CES5A: variants seen among roughly 807,000 people sequenced by gnomAD.
The protein encoded by CES5A is carboxylesterase 5.
In CES5A, 67 loss-of-function variants were observed where a neutral mutation model predicts 62.9. That is an observed-to-expected ratio of 1.07 (90% CI 0.88 to 1.31). The LOEUF is 1.31. CES5A is among the 50% of genes most tolerant of loss of function. CES5A has a pLI of 0.00. For synonymous variants in CES5A, 296 were observed against 280.8 expected (o/e 1.05, Z -0.54); for missense variants, 748 against 708.5 (o/e 1.06, Z -0.63).
intron 1 of CES5A, among the ~76,000 whole-genome samples, chr16:55,915,226 C>G (rs1425536139): frequency 1.3e-5 from 2 of 152,106 alleles, no homozygotes; most frequent in Non-Finnish European, 2.9e-5. Context: ...ATGTCAGCCC[C>G]AATGAATTAC....
At chr16:55,912,048 A>C (rs1171194979) in intron 1 of CES5A, among the ~76,000 whole-genome samples, 1 of 152,204 alleles carries the variant, frequency 6.6e-6, no homozygotes, top group African/African-American at 2.4e-5. Context: ...TGCAGCATCC[A>C]ATGCTGTCAG....
At chr16:55,887,488 A>G (rs1471815636) in intron 1 of CES5A, among the ~76,000 whole-genome samples, 1 of 152,118 alleles carries the variant, frequency 6.6e-6, no homozygotes, top group Non-Finnish European at 1.5e-5. Flanking sequence ...TCAATGTGGC[A>G]AGCCAAGTCA....
Position 55,861,526 on chromosome 16 carries a change from A to G in CES5A, c.811-10T>C. ...GTGCAACCACCTGCAGCTATTTTGTAGAGAAGGACCGGGTTAGAGCATGAT... is the reference window on the plus strand; with the variant it reads ...GTGCAACCACCTGCAGCTATTTTGTGGAGAAGGACCGGGTTAGAGCATGAT... On this transcript the variant is annotated splice_polypyrimidine_tract_variant and intron_variant, in intron 6 of 12. Transcript: ENST00000290567. The G allele has an allele frequency of 6.3e-7, 1 of 1,584,056 alleles. No homozygotes were observed. The highest frequency in any genetic ancestry group is 8.7e-7 in the Non-Finnish European group (1 of 1,152,558).
intron 1 of CES5A, among the ~76,000 whole-genome samples, chr16:55,916,611 C>T (rs1052323636): frequency 3.3e-5 from 5 of 152,346 alleles, no homozygotes; most frequent in Non-Finnish European, 5.9e-5. Flanking sequence ...AAACTTGCTT[C>T]AGCTATGGCA....
intron 8 of CES5A, among the ~76,000 whole-genome samples, chr16:55,859,028 G>T (rs1250745679): frequency 7.9e-5 from 12 of 152,294 alleles, no homozygotes; most frequent in African/African-American, 2.9e-4. Flanking sequence ...TAAGCTCCCA[G>T]AAAGCTCATA....
intron 2 of CES5A, among the ~76,000 whole-genome samples, chr16:55,872,888 G>A (rs1427899128): frequency 6.6e-6 from 1 of 152,136 alleles, no homozygotes; most frequent in Non-Finnish European, 1.5e-5. Context: ...CATGATGACA[G>A]CTGTGACTCA....
At chr16:55,865,826 T>C (rs753460663) in intron 5 of CES5A, 137 bp downstream of exon 5, 16 of 956,538 alleles carry the variant, frequency 1.7e-5, no homozygotes, top group Non-Finnish European at 2.5e-5. Context: ...TCATAATGTG[T>C]TGTGAGGCTT....
intron 1 of CES5A, among the ~76,000 whole-genome samples, chr16:55,953,551 G>GAA (rs151045317): frequency 0.011 from 1,682 of 150,150 alleles, 49 homozygotes; most frequent in East Asian, 0.095. Context: ...TTCACAAAAG[G>GAA]AAAAAAAAAC....
At chr16:55,927,306 TAATC>T (rs2034267304), upstream of CES5A, among the ~76,000 whole-genome samples, 1 of 151,994 alleles carries the variant, frequency 6.6e-6, no homozygotes, top group African/African-American at 2.4e-5. Flanking sequence ...GCAGAAGAAA[TAATC>T]AACAAAGTAA....
intron 2 of CES5A, among the ~76,000 whole-genome samples, chr16:55,948,294 G>A (rs2034518364): frequency 6.6e-6 from 1 of 152,158 alleles, no homozygotes; most frequent in African/African-American, 2.4e-5. Flanking sequence ...ACATTTTTCT[G>A]AGGCTTTGAT....
chr16:55,869,404 C>A, intron 4 of CES5A: 1 of 945,670 alleles, frequency 1.1e-6, no homozygotes, highest in East Asian at 3.2e-5. Flanking sequence ...AAACTTTACC[C>A]AAGTGAGAAA....
At chr16:55,942,326 CAA>C (rs2034454196) in intron 2 of CES5A, among the ~76,000 whole-genome samples, 1 of 152,100 alleles carries the variant, frequency 6.6e-6, no homozygotes, top group Admixed American at 6.6e-5. Flanking sequence ...TTATATCTGA[CAA>C]ATGACTTGTG....
At chr16:55,874,399 G>T (rs1211052092) in intron 1 of CES5A, among the ~76,000 whole-genome samples, 2 of 151,938 alleles carry the variant, frequency 1.3e-5, no homozygotes, top group Non-Finnish European at 2.9e-5. Context: ...CTTCCCAGGG[G>T]TTCCTACACT....
At chr16:55,902,808 T>C (rs16955856) in intron 1 of CES5A, among the ~76,000 whole-genome samples, 2,273 of 152,244 alleles carry the variant, frequency 0.015, 69 homozygotes, top group African/African-American at 0.051. Flanking sequence ...GATGCCACCA[T>C]TGGTGACTCC....
At chr16:55,929,972 C>G (rs2034292940), upstream of CES5A, among the ~76,000 whole-genome samples, 1 of 150,442 alleles carries the variant, frequency 6.6e-6, no homozygotes, top group Non-Finnish European at 1.5e-5. Flanking sequence ...CACCACCTTC[C>G]TTGGCCCAGC....
intron 2 of CES5A, among the ~76,000 whole-genome samples, chr16:55,872,648 A>G (rs1450102658): frequency 6.6e-6 from 1 of 152,286 alleles, no homozygotes; most frequent in South Asian, 2.1e-4. Flanking sequence ...ATATTGCTGC[A>G]CGTCTTCTCC....
At chr16:55,898,125 C>CTACCAATTT (rs1304961042) in intron 1 of CES5A, among the ~76,000 whole-genome samples, 1 of 152,178 alleles carries the variant, frequency 6.6e-6, no homozygotes, top group Admixed American at 6.5e-5. Flanking sequence ...TGTCATGTGG[C>CTACCAATTT]TACAAGAGTA....
intron 2 of CES5A, among the ~76,000 whole-genome samples, chr16:55,944,779 A>T (rs1462502072): frequency 6.6e-6 from 1 of 152,182 alleles, no homozygotes; most frequent in Non-Finnish European, 1.5e-5. Flanking sequence ...CCCTCTCCAG[A>T]TACCCCACCC....
chr16:55,903,975 A>G (rs1255971795), intron 1 of CES5A, among the ~76,000 whole-genome samples: 1 of 152,244 alleles, frequency 6.6e-6, no homozygotes, highest in Non-Finnish European at 1.5e-5. Flanking sequence ...GCACCTAATA[A>G]CATAGCTTCA....
Sources: gnomAD v4.1 joint callset for allele counts (sites outside exome capture counted in the v4.1 genomes callset) on GRCh38, gnomAD v4.1.1 for gene constraint, MANE v1.5 for transcripts, NCBI Gene and HGNC (gene_info 2026-07-23, HGNC 2026-07-21) for gene names.